The following ZNF597 variants were observed in gnomAD, a reference collection of about 807,000 sequenced individuals.
ZNF597 encodes zinc finger protein 597.
A neutral mutation model predicts 7.3 loss-of-function variants in ZNF597; 5 were observed. The observed-to-expected ratio is 0.68, with a 90% CI of 0.36 to 1.44. The LOEUF is 1.44. Ranked by LOEUF, ZNF597 falls within the 40% of genes most tolerant of loss-of-function variation. The probability of loss-of-function intolerance (pLI) is 0.04; values close to 1 mark genes in which losing one functional copy is unlikely to be tolerated. For synonymous variants in ZNF597, 209 were observed against 185.4 expected (o/e 1.13, Z -1.04); for missense variants, 585 against 517.9 (o/e 1.13, Z -1.26).
intron 2 of ZNF597, among the ~76,000 whole-genome samples, chr16:3,442,319 C>A (rs1257162935): frequency 7.0e-6 from 1 of 142,040 alleles, no homozygotes; most frequent in Non-Finnish European, 1.6e-5. Context: ...TTTGGGGAGC[C>A]GAGGTGGGAG....
At position 3,442,319 on chromosome 16, in the gene ZNF597, C is replaced by T. The variant is rs1257162935; in HGVS notation, c.33+802G>A. Among the ~76,000 whole-genome samples the T allele has an allele frequency of 4.2e-5, 6 of 142,124 alleles. No individual in the cohort carries two copies. The South Asian group carries it at 9.3e-4, about 22-fold the overall frequency. 93.2% of individuals were successfully genotyped at this position (142,124 alleles called of 152,430 possible). A position where few individuals can be genotyped will look rare whatever the true frequency, so the allele number is the denominator to read the frequency against. ...TTTTAATCCTAGCACTTTGGGGAGC[C>T]GAGGTGGGAGGATAGCTGAAGGCCA... On this transcript the variant is annotated intron_variant, in intron 2 of 3. Transcript: ENST00000301744.
At position 3,437,085 on chromosome 16, in the gene ZNF597, A is replaced by G; in HGVS notation, c.614T>C (p.Ile205Thr). 4 of 1,614,124 alleles carry G rather than the reference A, an allele frequency of 2.5e-6. No individual in the cohort carries two copies. The highest frequency in any genetic ancestry group is 3.4e-6 in the Non-Finnish European group (4 of 1,180,014). ...CTTATAAGGTTTCTCACCAGTATGGATTCTCCTGTGTGTCCTCAGGTTGGC... is the reference window on the plus strand; with the variant it reads ...CTTATAAGGTTTCTCACCAGTATGGGTTCTCCTGTGTGTCCTCAGGTTGGC... ...HRANLRTHRR[I>T]HTGEKPYKCA... The change falls in exon 4 of 4, where the codon ATC becomes ACC. Residue 205 changes from isoleucine (I) to threonine (T), a missense_variant. By Grantham distance (89) the Ile-to-Thr change is moderately conservative (BLOSUM62 -1). Transcript: ENST00000301744.
chr16:3,438,207 C>T, intron 3 of ZNF597, among the ~76,000 whole-genome samples: 1 of 113,570 alleles, frequency 8.8e-6, no homozygotes, highest in Admixed American at 1.1e-4. Flanking sequence ...AGAGCCAGAA[C>T]TTGTTTCTTA....
intron 2 of ZNF597, among the ~76,000 whole-genome samples, chr16:3,441,933 TC>T (rs1475839746): frequency 6.8e-6 from 1 of 147,880 alleles, no homozygotes; most frequent in African/African-American, 2.5e-5. Context: ...TGAGCCGAGA[TC>T]GCGCCATTGC....
In ZNF597 at chr16:3,436,681, G is replaced by A; in HGVS notation, c.1018C>T (p.Pro340Ser). ...ATGTCACAGTCAGGACACTGTAAGGGCTTGAATTTTGAGAATGAGAAGAAA... is the reference window on the plus strand; with the variant it reads ...ATGTCACAGTCAGGACACTGTAAGGACTTGAATTTTGAGAATGAGAAGAAA... ...DNFFSFSKFK[P>S]LQCPDCDMTF... Residue 340 changes from proline (P) to serine (S), a missense_variant, in exon 4 of 4, where the codon CCC becomes TCC. Physicochemically the swap from Pro to Ser is moderately conservative, Grantham distance 74. Coordinates refer to ENST00000301744, the MANE Select transcript of ZNF597 (RefSeq NM_152457.3). 4.3e-6 allele frequency: 7 copies of A among 1,613,838 alleles called. No individual in the cohort carries two copies. The highest frequency in any genetic ancestry group is 5.9e-6 in the Non-Finnish European group (7 of 1,179,874).
rs2034289784 is a variant in ZNF597 at position 3,435,377 on chromosome 16, T to C, written c.*1047A>G. On this transcript the variant is annotated 3_prime_UTR_variant, in exon 4 of 4. Transcript: ENST00000301744. ...TCACCTATCTCAGCTCCCCTTTCCC[T>C]GGCTGCCTGCAGTGCTACTACGTGG... 1.3e-5 allele frequency: 2 copies of C among 152,312 alleles called. No homozygotes were observed. Among genetic ancestry groups the C allele is most frequent in the Non-Finnish European group, 2.9e-5 (2 of 68,126 alleles). 9.4% of individuals were successfully genotyped at this position (152,312 alleles called of 1,614,324 possible).
At chr16:3,440,175 TTAAGAG>T (rs1487046870) in intron 3 of ZNF597, among the ~76,000 whole-genome samples, 3 of 152,248 alleles carry the variant, frequency 2.0e-5, no homozygotes, top group Non-Finnish European at 4.4e-5. Context: ...ATAGCACCCC[TTAAGAG>T]TAAATCAATC....
rs569861787 is a variant in ZNF597 at position 3,438,259 on chromosome 16, A to G, written c.161-721T>C. Among the ~76,000 whole-genome samples the G allele has an allele frequency of 5.9e-5, 9 of 151,272 alleles. No homozygotes were observed. In the South Asian group the frequency reaches 1.7e-3, roughly 28 times the overall value. On this transcript the variant is annotated intron_variant, in intron 3 of 3. Coordinates refer to ENST00000301744, the MANE Select transcript of ZNF597 (RefSeq NM_152457.3). ...ATGACAGCAAGAATGAGTGGGAAAG[A>G]AAATAATTTTTAAAAAGAGGCTGGG...
Position 3,440,792 on chromosome 16 carries a change from A to C in ZNF597, c.160+15T>G, listed in dbSNP as rs1295512507. 2 of 1,612,214 alleles carry C rather than the reference A, an allele frequency of 1.2e-6. No individual in the cohort carries two copies. The highest frequency in any genetic ancestry group is 2.7e-5 in the African/African-American group (2 of 74,810). On this transcript the variant is annotated intron_variant, in intron 3 of 3. Coordinates refer to ENST00000301744, the MANE Select transcript of ZNF597 (RefSeq NM_152457.3). ...TTGACAAAAGTTCCAGATGCAGGAA[A>C]AACAATTGCCTTACCCATCAAAGCC...
At chr16:3,442,027 A>G (rs1175546093) in intron 2 of ZNF597, among the ~76,000 whole-genome samples, 2 of 151,524 alleles carry the variant, frequency 1.3e-5, no homozygotes, top group Admixed American at 6.6e-5. Context: ...GCAGCCCAGG[A>G]AGAATCATAA....
intron 2 of ZNF597, among the ~76,000 whole-genome samples, chr16:3,441,633 C>A (rs1378086748): frequency 6.6e-6 from 1 of 152,048 alleles, no homozygotes; most frequent in Non-Finnish European, 1.5e-5. Flanking sequence ...TTGCAGTAAG[C>A]CGAGATTGCA....
Position 3,436,852 on chromosome 16 carries a change from G to A in ZNF597, c.847C>T (p.Leu283Phe), listed in dbSNP as rs2150932667. 1.9e-6 allele frequency: 3 copies of A among 1,614,140 alleles called. No individual in the cohort carries two copies. The highest frequency in any genetic ancestry group is 2.5e-6 in the Non-Finnish European group (3 of 1,180,036). The part of the protein sequence containing the change: ...CDKHFNEKPN[L>F]ALPEETFVSG... ...ACGAATGTTTCCTCAGGCAAAGCAAGATTTGGTTTCTCATTAAAATGTTTA... is the reference window on the plus strand; with the variant it reads ...ACGAATGTTTCCTCAGGCAAAGCAAAATTTGGTTTCTCATTAAAATGTTTA... The change falls in exon 4 of 4, where the codon CTT becomes TTT. Residue 283 changes from leucine (L) to phenylalanine (F), a missense_variant. Leu to Phe is a conservative substitution (Grantham distance 22). Transcript: ENST00000301744.
chr16:3,443,295 C>A (rs912393858), intron 1 of ZNF597, 65 bp downstream of exon 1: 2 of 812,754 alleles, frequency 2.5e-6, no homozygotes, highest in Non-Finnish European at 1.9e-6. Flanking sequence ...CCCTCCGAAC[C>A]CCCCCTTAAA....
Position 3,436,650 on chromosome 16 carries a change from A to G in ZNF597, c.1049T>C (p.Phe350Ser). Residue 350 changes from phenylalanine to serine, a missense_variant, in exon 4 of 4, where the codon TTT (phenylalanine) becomes TCT (serine). By Grantham distance (155) the Phe-to-Ser change is radical. Transcript: ENST00000301744. Reference sequence around the variant, plus strand: ...GGAAATAAGCTCAGAGAAACAAGGAAAGGTCATGTCACAGTCAGGACACTG... The same window carrying G: ...GGAAATAAGCTCAGAGAAACAAGGAGAGGTCATGTCACAGTCAGGACACTG... ...PLQCPDCDMT[F>S]PCFSELISHQ... The G allele has an allele frequency of 6.2e-7, 1 of 1,610,766 alleles. No individual in the cohort carries two copies. Among genetic ancestry groups the G allele is most frequent in the South Asian group, 1.1e-5 (1 of 90,700 alleles).
rs139653010 is a variant in ZNF597, at chr16:3,436,855, T to C, written c.844A>G (p.Asn282Asp). 394 of 1,613,992 alleles carry C rather than the reference T, an allele frequency of 2.4e-4. No individual in the cohort carries two copies. The highest frequency in any genetic ancestry group is 5.8e-4 in the Admixed American group (35 of 59,998). The change falls in exon 4 of 4, where the codon AAT (asparagine) becomes GAT (aspartate). Residue 282 changes from asparagine (N) to aspartate (D), a missense_variant. By Grantham distance (23) the Asn-to-Asp change is conservative. Coordinates refer to ENST00000301744, the MANE Select transcript of ZNF597 (RefSeq NM_152457.3). ...AATGTTTCCTCAGGCAAAGCAAGAT[T>C]TGGTTTCTCATTAAAATGTTTATCA... ...NCDKHFNEKP[N>D]LALPEETFVS... is the part of the protein sequence containing the mutation.
Position 3,436,511 on chromosome 16 carries a change from A to G in ZNF597, c.1188T>C (p.Pro396=). The change falls in exon 4 of 4, where the codon CCT becomes CCC. Residue 396 remains proline (P), a synonymous_variant. Transcript: ENST00000301744. Reference sequence around the variant, plus strand: ...TTTTCCCACACACGGTACATTTAAAAGGTTCCGCTAGCATGTGGCTCTTCT... The same window carrying G: ...TTTTCCCACACACGGTACATTTAAAGGGTTCCGCTAGCATGTGGCTCTTCT... The part of the protein sequence containing the change: ...CHQKSHMLAE[P]FKCTVCGKTF... The G allele has an allele frequency of 1.2e-6, 2 of 1,614,228 alleles. No individual in the cohort carries two copies. Among genetic ancestry groups the G allele is most frequent in the Non-Finnish European group, 1.7e-6 (2 of 1,180,044 alleles).
At chr16:3,441,566 A>G (rs1263421652) in intron 2 of ZNF597, among the ~76,000 whole-genome samples, 1 of 152,198 alleles carries the variant, frequency 6.6e-6, no homozygotes, top group East Asian at 1.9e-4. Flanking sequence ...CATGCCTATA[A>G]TCCCAGCTAC....
rs183746167 is a variant in ZNF597 at position 3,437,500 on chromosome 16, G to A, written c.199C>T (p.Leu67=). 4 of 1,608,542 alleles carry A rather than the reference G, an allele frequency of 2.5e-6. No homozygotes were observed. The East Asian group carries it at 8.9e-5, about 36-fold the overall frequency. The change falls in exon 4 of 4, where the codon CTA becomes TTA. Residue 67 remains leucine, a synonymous_variant. Coordinates refer to ENST00000301744, the MANE Select transcript of ZNF597 (RefSeq NM_152457.3). ...AGCTCGTCAAGTTCCATAGACTCTA[G>A]GCTTAACTGCTGATTAATCTCAGGC... is the stretch of plus-strand genomic sequence containing the variant. ...GKPEINQQLS[L]ESMELDELAL...
Position 3,440,693 on chromosome 16 carries a change from C to T in ZNF597, c.160+114G>A, listed in dbSNP as rs186674907. ...TTCTCTCACACAATTATCACCTCCACATAAATTACTGAGGGACAGGTCCCA... is the reference window on the plus strand; with the variant it reads ...TTCTCTCACACAATTATCACCTCCATATAAATTACTGAGGGACAGGTCCCA... On this transcript the variant is annotated intron_variant, in intron 3 of 3. Coordinates refer to ENST00000301744, the MANE Select transcript of ZNF597 (RefSeq NM_152457.3). 4.9e-5 allele frequency: 67 copies of T among 1,356,078 alleles called. 1 individual carries two copies. The East Asian group carries it at 8.1e-4, about 16-fold the overall frequency. The allele number at this position is 1,356,078 out of a possible 1,614,324, so 84.0% of individuals were successfully genotyped here.
Sources: gnomAD v4.1 joint callset for allele counts (sites outside exome capture counted in the v4.1 genomes callset) on GRCh38, gnomAD v4.1.1 for gene constraint, MANE v1.5 for transcripts, NCBI Gene and HGNC (gene_info 2026-07-23, HGNC 2026-07-21) for gene names.